Variants in MACROD2 observed in about 807,000 individuals in gnomAD.
MACROD2 encodes the protein mono-ADP ribosylhydrolase 2.
In MACROD2, 36 loss-of-function variants were observed where a neutral mutation model predicts 70.4. The observed-to-expected ratio is 0.51, with a 90% CI of 0.39 to 0.68. The LOEUF is 0.68. MACROD2 is among the 30% of genes least tolerant of loss of function. The pLI, the probability that MACROD2 is intolerant of heterozygous loss-of-function variation, is 0.00. For synonymous variants in MACROD2, 172 were observed against 178.8 expected, an observed-to-expected ratio of 0.96 and a Z score of 0.30; for missense variants, 496 against 538.4, an observed-to-expected ratio of 0.92 and a Z score of 0.78.
chr20:14,862,650 TATATAA>T (rs1432985565), intron 5 of MACROD2, among the ~76,000 whole-genome samples: 2 of 50,598 alleles, frequency 4.0e-5, no homozygotes, highest in Non-Finnish European at 7.2e-5. Context: ...TAAATATATA[TATATAA>T]ATATATATAT....
chr20:15,375,437 G>C (rs1358580658), intron 6 of MACROD2, among the ~76,000 whole-genome samples: 1 of 152,068 alleles, frequency 6.6e-6, no homozygotes, highest in Admixed American at 6.6e-5. Context: ...CGGTAATTTG[G>C]TATGGCAGCT....
chr20:15,656,882 A>G (rs2049738854), intron 8 of MACROD2, among the ~76,000 whole-genome samples: 1 of 152,168 alleles, frequency 6.6e-6, no homozygotes, highest in South Asian at 2.1e-4. Flanking sequence ...AAGAGACCAT[A>G]AAAGTATTAG....
At chr20:14,785,556 T>G (rs2072358923) in intron 5 of MACROD2, among the ~76,000 whole-genome samples, 1 of 151,992 alleles carries the variant, frequency 6.6e-6, no homozygotes, top group Non-Finnish European at 1.5e-5. Context: ...TTCAATCTAT[T>G]TCATAGCTTA....
intron 6 of MACROD2, among the ~76,000 whole-genome samples, chr20:15,295,307 A>G (rs939425144): frequency 1.3e-5 from 2 of 152,180 alleles, no homozygotes; most frequent in African/African-American, 4.8e-5. Context: ...TCATATCAAT[A>G]TGAAAATAGA....
In MACROD2 at chr20:15,550,922, G is replaced by A. The variant is rs530181691; in HGVS notation, c.645+51075G>A. On this transcript the variant is annotated intron_variant, in intron 8 of 17. Transcript: ENST00000684519. ...ACAGCCAGGGCAGCTTGATTTCAAG[G>A]TATCTCAATACTGAAGTGAAAATTT... is the stretch of plus-strand genomic sequence containing the variant. 2.6e-5 allele frequency among the ~76,000 whole-genome samples: 4 copies of A among 152,268 alleles called. No individual in the cohort carries two copies. The South Asian group carries it at 6.2e-4, about 24-fold the overall frequency.
intron 5 of MACROD2, among the ~76,000 whole-genome samples, chr20:15,222,217 T>C (rs1181595374): frequency 6.6e-6 from 1 of 152,238 alleles, no homozygotes; most frequent in Non-Finnish European, 1.5e-5. Flanking sequence ...AATCCGAATT[T>C]AGAAAAATGC....
At chr20:14,965,101 T>C (rs1336203504) in intron 5 of MACROD2, among the ~76,000 whole-genome samples, 3 of 152,140 alleles carry the variant, frequency 2.0e-5, no homozygotes, top group African/African-American at 7.2e-5. Flanking sequence ...AAAATTACTA[T>C]AAATGGTCAG....
At chr20:14,031,249 A>G (rs1166959594) in intron 2 of MACROD2, among the ~76,000 whole-genome samples, 1 of 152,156 alleles carries the variant, frequency 6.6e-6, no homozygotes, top group Non-Finnish European at 1.5e-5. Flanking sequence ...AGATCTCTCT[A>G]GATTTCTCTG....
intron 3 of MACROD2, among the ~76,000 whole-genome samples, chr20:14,228,423 C>T (rs2081766255): frequency 6.6e-6 from 1 of 151,456 alleles, no homozygotes. Flanking sequence ...CTGCAAGCTC[C>T]ATCTCCCGGG....
intron 3 of MACROD2, among the ~76,000 whole-genome samples, chr20:14,168,895 A>T (rs755708790): frequency 6.6e-6 from 1 of 152,208 alleles, no homozygotes; most frequent in Non-Finnish European, 1.5e-5. Context: ...GAAAGGACAT[A>T]ACAAAAAAAG....
intron 3 of MACROD2, among the ~76,000 whole-genome samples, chr20:14,391,689 G>A (rs1363161366): frequency 6.6e-6 from 1 of 150,652 alleles, no homozygotes; most frequent in Non-Finnish European, 1.5e-5. Context: ...TGCAGCTGGA[G>A]GCCATTATCT....
At chr20:14,639,014 C>A (rs1412249903) in intron 4 of MACROD2, among the ~76,000 whole-genome samples, 2 of 151,448 alleles carry the variant, frequency 1.3e-5, no homozygotes, top group African/African-American at 4.9e-5. Flanking sequence ...GTTAGTAGCA[C>A]ATAGTAGGCA....
intron 5 of MACROD2, among the ~76,000 whole-genome samples, chr20:14,725,887 A>C (rs2071524008): frequency 6.6e-6 from 1 of 152,158 alleles, no homozygotes; most frequent in Admixed American, 6.5e-5. Context: ...TAGGGGTTGC[A>C]GATGCTGTTT....
At chr20:14,454,362 A>G (rs1379943770) in intron 3 of MACROD2, among the ~76,000 whole-genome samples, 1 of 151,194 alleles carries the variant, frequency 6.6e-6, no homozygotes, top group Non-Finnish European at 1.5e-5. Context: ...TATTTTTAAC[A>G]TTCAATAGCT....
At chr20:15,726,742 T>C (rs1437252200) in intron 8 of MACROD2, among the ~76,000 whole-genome samples, 4 of 152,174 alleles carry the variant, frequency 2.6e-5, no homozygotes, top group African/African-American at 9.6e-5. Flanking sequence ...TAAAAGCATC[T>C]ATTCATGTCC....
At chr20:14,024,393 C>T (rs746752825) in intron 2 of MACROD2, among the ~76,000 whole-genome samples, 17 of 152,274 alleles carry the variant, frequency 1.1e-4, no homozygotes, top group Admixed American at 5.9e-4. Context: ...CTTTCTTTTG[C>T]GTGATTGCCC....
intron 5 of MACROD2, among the ~76,000 whole-genome samples, chr20:14,974,507 T>C (rs1001301101): frequency 1.3e-5 from 2 of 152,108 alleles, no homozygotes; most frequent in Admixed American, 1.3e-4. Flanking sequence ...CAAAGGATAG[T>C]GCAGTATCCT....
intron 3 of MACROD2, among the ~76,000 whole-genome samples, chr20:14,377,272 C>G (rs1407138783): frequency 6.6e-6 from 1 of 152,154 alleles, no homozygotes; most frequent in African/African-American, 2.4e-5. Flanking sequence ...AGAGAAAACA[C>G]CATCAAAATT....
intron 8 of MACROD2, among the ~76,000 whole-genome samples, chr20:15,671,650 A>G (rs2049981147): frequency 6.6e-6 from 1 of 152,194 alleles, no homozygotes; most frequent in African/African-American, 2.4e-5. Flanking sequence ...CTTGTCCACC[A>G]AGTGACATCT....
Sources: gnomAD v4.1 joint callset for allele counts (sites outside exome capture counted in the v4.1 genomes callset) on GRCh38, gnomAD v4.1.1 for gene constraint, MANE v1.5 for transcripts, NCBI Gene and HGNC (gene_info 2026-07-23, HGNC 2026-07-21) for gene names.